DACH2: variants seen among roughly 807,000 people sequenced by gnomAD.
The protein encoded by DACH2 is dachshund homolog 2.
DACH2 carries 17 observed loss-of-function variants against 35.8 expected under a neutral mutation model. The ratio of observed to expected loss-of-function variants is 0.48; its 90% CI spans 0.33 to 0.71. DACH2 has a LOEUF of 0.71. Ranked by LOEUF, DACH2 falls within the 30% of genes least tolerant of loss-of-function variation. The pLI, the probability that DACH2 is intolerant of heterozygous loss-of-function variation, is 0.02. For synonymous variants in DACH2, 195 were observed against 177.3 expected (o/e 1.10, Z -0.79); for missense variants, 469 against 472.7 (o/e 0.99, Z 0.07).
At chrX:86,278,481 TACA>T (rs1378615759) in intron 1 of DACH2, among the ~76,000 whole-genome samples, 7 of 112,211 alleles carry the variant, frequency 6.2e-5, no homozygotes, top group Non-Finnish European at 1.1e-4. Flanking sequence ...ATTCTTATGC[TACA>T]GGAAAAAACA....
chrX:86,306,876 T>A (rs989079243), intron 1 of DACH2, among the ~76,000 whole-genome samples: 1 of 111,608 alleles, frequency 9.0e-6, no homozygotes, highest in Non-Finnish European at 1.9e-5. Context: ...GAACATAATA[T>A]AAATGATGAA....
chrX:86,214,469 G>A (rs1219209093), intron 1 of DACH2, among the ~76,000 whole-genome samples: 1 of 112,102 alleles, frequency 8.9e-6, no homozygotes, highest in East Asian at 2.8e-4. Flanking sequence ...GGTAAATCAA[G>A]TTACTTGGCT....
chrX:86,357,095 C>G (rs1346373453), intron 1 of DACH2, among the ~76,000 whole-genome samples: 1 of 111,307 alleles, frequency 9.0e-6, no homozygotes, highest in Non-Finnish European at 1.9e-5. Flanking sequence ...CTTACAATGG[C>G]CTCCAGCTCC....
At chrX:86,661,251 A>T (rs999809021) in intron 4 of DACH2, among the ~76,000 whole-genome samples, 9 of 112,306 alleles carry the variant, frequency 8.0e-5, no homozygotes, top group Admixed American at 7.6e-4. Flanking sequence ...ATGTAATTCT[A>T]GTCCTAATAA....
At chrX:86,606,647 G>A (rs186602645) in intron 3 of DACH2, among the ~76,000 whole-genome samples, 1 of 111,177 alleles carries the variant, frequency 9.0e-6, no homozygotes, top group Non-Finnish European at 1.9e-5. Context: ...TCCATGTGCT[G>A]AGCAAAAGAA....
At chrX:86,289,312 G>A (rs909855179) in intron 1 of DACH2, among the ~76,000 whole-genome samples, 16 of 106,895 alleles carry the variant, frequency 1.5e-4, no homozygotes, top group Admixed American at 4.1e-4. Flanking sequence ...GAAGGATGGG[G>A]TATCTTTTGG....
chrX:86,475,655 C>A (rs964533723), intron 2 of DACH2, among the ~76,000 whole-genome samples: 1 of 111,592 alleles, frequency 9.0e-6, no homozygotes, highest in Non-Finnish European at 1.9e-5. Flanking sequence ...TTCTTCCTTT[C>A]CAAACTGAAT....
At chrX:86,540,151 A>G (rs1377332211) in intron 3 of DACH2, among the ~76,000 whole-genome samples, 1 of 112,118 alleles carries the variant, frequency 8.9e-6, no homozygotes, top group Non-Finnish European at 1.9e-5. Context: ...TTCTATGAGC[A>G]TTATAGAGAA....
At chrX:86,780,101 T>C (rs1228648985) in intron 7 of DACH2, among the ~76,000 whole-genome samples, 1 of 105,625 alleles carries the variant, frequency 9.5e-6, no homozygotes, top group South Asian at 4.2e-4. Flanking sequence ...CTTCCAGAAA[T>C]GAAACCAGTT....
chrX:86,306,318 G>A (rs890068881), intron 1 of DACH2, among the ~76,000 whole-genome samples: 2 of 112,157 alleles, frequency 1.8e-5, no homozygotes, highest in East Asian at 5.6e-4. Flanking sequence ...CCTGGAGGAC[G>A]TTATGTTAGG....
At chrX:86,478,523 TTTTTTCTTTTTTG>T (rs1314967251) in intron 2 of DACH2, among the ~76,000 whole-genome samples, 1 of 107,818 alleles carries the variant, frequency 9.3e-6, no homozygotes, top group East Asian at 2.8e-4. Flanking sequence ...TGCTTTTAGT[TTTTTTCTTTTTTG>T]TTTTTCTTTT....
At chrX:86,418,986 A>G (rs2036755421) in intron 2 of DACH2, among the ~76,000 whole-genome samples, 2 of 111,626 alleles carry the variant, frequency 1.8e-5, no homozygotes, top group African/African-American at 3.3e-5. Flanking sequence ...AAATGCCTCC[A>G]GTCTCTTTGC....
intron 2 of DACH2, among the ~76,000 whole-genome samples, chrX:86,479,140 C>T (rs953489432): frequency 6.3e-5 from 7 of 111,232 alleles, no homozygotes; most frequent in Non-Finnish European, 1.9e-5. Flanking sequence ...CACGTCGTTT[C>T]GCTGTCGATG....
Position 86,832,263 on chromosome X carries a change from T to TGA in DACH2, c.*108_*109insGA. 1.6e-6 allele frequency: 1 copy of TGA among 612,234 alleles called. No homozygotes were observed. The highest frequency in any genetic ancestry group is 2.6e-6 in the Non-Finnish European group (1 of 382,855). The allele number at this position is 612,234 out of a possible 1,213,427, so 50.5% of individuals were successfully genotyped here. A position where few individuals can be genotyped will look rare whatever the true frequency, so the allele number is the denominator to read the frequency against. On this transcript the variant is annotated 3_prime_UTR_variant, in exon 12 of 12. Coordinates refer to ENST00000373125, the MANE Select transcript of DACH2 (RefSeq NM_053281.3). ...GTTTTGTTTATCAGCAAAGCTTTGT[T>TGA]TACTGAAGGAGCTATTTAATCTATG... is the stretch of plus-strand genomic sequence containing the variant.
intron 1 of DACH2, among the ~76,000 whole-genome samples, chrX:86,281,644 C>T (rs12010263): frequency 0.037 from 4,121 of 110,881 alleles, 183 homozygotes; most frequent in African/African-American, 0.13. Flanking sequence ...TTGGAAGATC[C>T]GGCCAGGGCA....
chrX:86,163,382 C>G (rs938137080), intron 1 of DACH2, among the ~76,000 whole-genome samples: 17 of 95,824 alleles, frequency 1.8e-4, no homozygotes, highest in Middle Eastern at 5.7e-3. Flanking sequence ...CTGGGTCTCA[C>G]TCTTTTTTAT....
chrX:86,633,219 C>T (rs1257915666), intron 3 of DACH2, among the ~76,000 whole-genome samples: 1 of 110,121 alleles, frequency 9.1e-6, no homozygotes, highest in East Asian at 2.8e-4. Flanking sequence ...GTTGGACAAA[C>T]TAAGAAGAGA....
At chrX:86,741,869 G>T (rs956411493) in intron 7 of DACH2, among the ~76,000 whole-genome samples, 3 of 111,049 alleles carry the variant, frequency 2.7e-5, no homozygotes, top group Admixed American at 9.7e-5. Context: ...TGTTGCTGTC[G>T]CCATGAGTTA....
chrX:86,157,248 T>C (rs1228192583), intron 1 of DACH2, among the ~76,000 whole-genome samples: 1 of 111,878 alleles, frequency 8.9e-6, no homozygotes, highest in Non-Finnish European at 1.9e-5. Flanking sequence ...ATGTAGTGTG[T>C]ATACAAAGGT....
Sources: gnomAD v4.1 joint callset for allele counts (sites outside exome capture counted in the v4.1 genomes callset) on GRCh38, gnomAD v4.1.1 for gene constraint, MANE v1.5 for transcripts, NCBI Gene and HGNC (gene_info 2026-07-23, HGNC 2026-07-21) for gene names.